Variants in USP25 observed in about 807,000 individuals in gnomAD.
USP25 encodes the protein ubiquitin carboxyl-terminal hydrolase 25.
In USP25, 85 loss-of-function variants were observed where a neutral mutation model predicts 158.5. The observed-to-expected ratio is 0.54, with a 90% CI of 0.45 to 0.64. The LOEUF is 0.64. Ranked by LOEUF, USP25 falls within the 30% of genes least tolerant of loss-of-function variation. USP25 has a pLI of 0.00. For synonymous variants in USP25, 464 were observed against 460.4 expected (o/e 1.01, Z -0.10); for missense variants, 1,242 against 1,327.3 (o/e 0.94, Z 1.00).
At chr21:15,761,321 C>T (rs1053217831) in intron 1 of USP25, among the ~76,000 whole-genome samples, 5 of 152,028 alleles carry the variant, frequency 3.3e-5, no homozygotes, top group Non-Finnish European at 5.9e-5. Context: ...AAGGGGGCCT[C>T]CCCCCCAGGA....
chr21:15,756,524 A>T (rs2033388821), intron 1 of USP25, among the ~76,000 whole-genome samples: 1 of 152,182 alleles, frequency 6.6e-6, no homozygotes, highest in Non-Finnish European at 1.5e-5. Context: ...CTGATGTTAA[A>T]TATGCCCTCT....
At chr21:15,731,536 G>A (rs903046276) in intron 1 of USP25, among the ~76,000 whole-genome samples, 1 of 152,174 alleles carries the variant, frequency 6.6e-6, no homozygotes, top group Non-Finnish European at 1.5e-5. Context: ...CATACAGCCT[G>A]CTAAATTTTT....
In USP25 at chr21:15,842,339, A is replaced by G. The variant is rs1049311624; in HGVS notation, c.2195-59A>G. ...AGACATAGAAATGAATAAAAGATTT[A>G]TCTTAGTATAGACTCTGTGGTTTAT... On this transcript the variant is annotated intron_variant, in intron 17 of 25. Transcript: ENST00000400183. The G allele has an allele frequency of 3.3e-6, 5 of 1,528,942 alleles. No individual in the cohort carries two copies. The East Asian group carries it at 6.9e-5, about 21-fold the overall frequency. 94.7% of individuals were successfully genotyped at this position (1,528,942 alleles called of 1,614,324 possible).
intron 20 of USP25, among the ~76,000 whole-genome samples, chr21:15,860,953 CATAT>C (rs140631215): frequency 0.016 from 2,379 of 145,674 alleles, 67 homozygotes; most frequent in African/African-American, 0.052. Context: ...TTGGTATCTT[CATAT>C]ATATATATAT....
chr21:15,764,316 C>CTTT (rs61313473), intron 2 of USP25, among the ~76,000 whole-genome samples: 1 of 127,714 alleles, frequency 7.8e-6, no homozygotes, highest in Non-Finnish European at 1.7e-5. Flanking sequence ...GGGGAATTTG[C>CTTT]TTTTTTTTTT....
At chr21:15,874,639 T>A (rs1234822631) in intron 24 of USP25, 113 bp downstream of exon 24, 7 of 1,107,108 alleles carry the variant, frequency 6.3e-6, no homozygotes, top group Non-Finnish European at 8.7e-6. Flanking sequence ...AAGAACATGA[T>A]GATGTCTATA....
In USP25 at chr21:15,874,290, T is replaced by A. The variant is rs1268801439; in HGVS notation, c.2886-113T>A. ...CTGCGTCAGATGATATTTTTTATTA[T>A]AATGTAGATTATCAAAACTTAAGCA... On this transcript the variant is annotated intron_variant, in intron 23 of 25. Coordinates refer to ENST00000400183, the MANE Select transcript of USP25 (RefSeq NM_001283041.3). 47 of 966,914 alleles carry A rather than the reference T, an allele frequency of 4.9e-5. No homozygotes were observed. The South Asian group carries it at 8.4e-4, about 17-fold the overall frequency. 59.9% of individuals were successfully genotyped at this position (966,914 alleles called of 1,614,324 possible). A position where few individuals can be genotyped will look rare whatever the true frequency, so the allele number is the denominator to read the frequency against.
intron 20 of USP25, among the ~76,000 whole-genome samples, chr21:15,858,300 T>A (rs965039732): frequency 6.6e-6 from 1 of 152,030 alleles, no homozygotes; most frequent in African/African-American, 2.4e-5. Context: ...ATTTTGAGTC[T>A]TGCCCAAAAG....
chr21:15,823,496 G>A (rs1385986580), intron 10 of USP25, among the ~76,000 whole-genome samples: 1 of 152,038 alleles, frequency 6.6e-6, no homozygotes, highest in Non-Finnish European at 1.5e-5. Context: ...CTTTTTGTTA[G>A]TGATATGTCT....
Position 15,878,495 on chromosome 21 carries a change from C to A in USP25, c.*20C>A, listed in dbSNP as rs1435115725. 1 of 1,612,734 alleles carries A rather than the reference C, an allele frequency of 6.2e-7. No homozygotes were observed. The highest frequency in any genetic ancestry group is 8.5e-7 in the Non-Finnish European group (1 of 1,179,238). On this transcript the variant is annotated 3_prime_UTR_variant, in exon 26 of 26. Transcript: ENST00000400183. ...AGATAAACTGCACACTTTCCCTGAA[C>A]ACACTGTATAAACTCTTTTTAGTTC...
chr21:15,760,739 A>T (rs1157246909), intron 1 of USP25, among the ~76,000 whole-genome samples: 1 of 152,240 alleles, frequency 6.6e-6, no homozygotes, highest in Non-Finnish European at 1.5e-5. Context: ...AAGACTTAGT[A>T]CACAGAACTT....
intron 21 of USP25, 48 bp from the exon 22 acceptor site, chr21:15,866,218 T>TAC (rs776754984): frequency 1.2e-5 from 14 of 1,179,600 alleles, no homozygotes; most frequent in African/African-American, 6.4e-5. Context: ...TATATATATA[T>TAC]ATACACACAC....
At position 15,766,909 on chromosome 21, in the gene USP25, G is replaced by GGAAGC. The variant is rs1283309815; in HGVS notation, c.268+769_268+773dup. 1.3e-4 allele frequency among the ~76,000 whole-genome samples: 19 copies of GGAAGC among 151,944 alleles called. No homozygotes were observed. Among genetic ancestry groups the GGAAGC allele is most frequent in the Non-Finnish European group, 1.9e-4 (13 of 67,940 alleles). On this transcript the variant is annotated intron_variant, in intron 3 of 25. Coordinates refer to ENST00000400183, the MANE Select transcript of USP25 (RefSeq NM_001283041.3). The surrounding 1 kb of genome is among the most constrained non-coding windows in gnomAD (Gnocchi z 4.0). Reference sequence around the variant, plus strand: ...TTGTTTATAGACATTCTCAAAGTTAGGAAGCAACCAGAAAAGAGTTCGTTT... The same window carrying GGAAGC: ...TTGTTTATAGACATTCTCAAAGTTAGGAAGCGAAGCAACCAGAAAAGAGTTCGTTT...
Position 15,791,864 on chromosome 21 carries a change from A to G in USP25, c.555+200A>G, listed in dbSNP as rs1280132726. ...TCATTTCTAGTATGTATTTTTTAAC[A>G]GTAGATCACTACTTATGCCTTTCAC... On this transcript the variant is annotated intron_variant, in intron 5 of 25. Coordinates refer to ENST00000400183, the MANE Select transcript of USP25 (RefSeq NM_001283041.3). 1.3e-5 allele frequency among the ~76,000 whole-genome samples: 2 copies of G among 151,856 alleles called. No homozygotes were observed. Among genetic ancestry groups the G allele is most frequent in the Non-Finnish European group, 2.9e-5 (2 of 67,834 alleles).
At chr21:15,851,122 A>G (rs1037395223) in intron 20 of USP25, among the ~76,000 whole-genome samples, 3 of 152,024 alleles carry the variant, frequency 2.0e-5, no homozygotes, top group Admixed American at 6.6e-5. Context: ...TTCTTAAAAA[A>G]AAAACACTGA....
intron 2 of USP25, among the ~76,000 whole-genome samples, chr21:15,765,157 A>G (rs1372294911): frequency 6.6e-6 from 1 of 152,010 alleles, no homozygotes; most frequent in Non-Finnish European, 1.5e-5. Context: ...AGAGCCTTCC[A>G]TGTTTTGGTT....
At chr21:15,811,293 G>T in intron 9 of USP25, 83 bp downstream of exon 9, 5 of 1,259,390 alleles carry the variant, frequency 4.0e-6, no homozygotes. Context: ...TATTTTTTTA[G>T]TGGACTTTAT....
intron 5 of USP25, among the ~76,000 whole-genome samples, chr21:15,794,006 TC>T (rs762329862): frequency 3.3e-5 from 5 of 151,574 alleles, no homozygotes; most frequent in Non-Finnish European, 7.4e-5. Context: ...TTTGTTGTTT[TC>T]CACAGTGAGT....
chr21:15,787,483 C>G (rs756112855), intron 4 of USP25, among the ~76,000 whole-genome samples: 13 of 151,718 alleles, frequency 8.6e-5, no homozygotes, highest in Non-Finnish European at 1.6e-4. Flanking sequence ...AAACTGTTAA[C>G]TGGAGTAAAT....
Sources: gnomAD v4.1 joint callset for allele counts (sites outside exome capture counted in the v4.1 genomes callset) on GRCh38, gnomAD v4.1.1 for gene constraint, Gnocchi (gnomAD v3.1) non-coding constraint, MANE v1.5 for transcripts, NCBI Gene and HGNC (gene_info 2026-07-23, HGNC 2026-07-21) for gene names.